Variants in ATP9B observed in about 807,000 individuals in gnomAD.
ATP9B encodes the protein ATPase phospholipid transporting 9B.
A neutral mutation model predicts 146.1 loss-of-function variants in ATP9B; 110 were observed. The ratio of observed to expected loss-of-function variants is 0.75; its 90% CI spans 0.65 to 0.88. The LOEUF is 0.88. ATP9B is among the 40% of genes least tolerant of loss of function. ATP9B has a pLI of 0.00. For synonymous variants in ATP9B, 604 were observed against 569.7 expected (o/e 1.06, Z -0.86); for missense variants, 1,499 against 1,496.4 (o/e 1.00, Z -0.03).
intron 13 of ATP9B, chr18:79,299,998 A>C (rs2096579344): frequency 6.6e-6 from 1 of 152,320 alleles, no homozygotes; most frequent in Admixed American, 6.5e-5. Context: ...ATTGGTAAGC[A>C]GTGGCGAGGC....
At chr18:79,088,087 T>C (rs1489763703) in intron 1 of ATP9B, among the ~76,000 whole-genome samples, 2 of 152,196 alleles carry the variant, frequency 1.3e-5, no homozygotes, top group African/African-American at 4.8e-5. Flanking sequence ...TTCAGTACAA[T>C]AGGAAAATTG....
chr18:79,356,495 G>A (rs1281160584), intron 25 of ATP9B, among the ~76,000 whole-genome samples: 1 of 152,204 alleles, frequency 6.6e-6, no homozygotes. Flanking sequence ...TGTAACTTCA[G>A]TGGTTAAGCA....
chr18:79,130,097 C>T (rs998358601), intron 5 of ATP9B, among the ~76,000 whole-genome samples: 10 of 152,128 alleles, frequency 6.6e-5, no homozygotes, highest in Admixed American at 6.6e-4. Context: ...CAAAATGTGG[C>T]CCACTCCCAG....
At chr18:79,295,180 T>C (rs780810895) in intron 13 of ATP9B, among the ~76,000 whole-genome samples, 2 of 152,166 alleles carry the variant, frequency 1.3e-5, no homozygotes, top group Non-Finnish European at 2.9e-5. Context: ...GTATTCCGCA[T>C]GTTGAAATGG....
chr18:79,276,224 A>G (rs960993299), intron 12 of ATP9B, among the ~76,000 whole-genome samples: 14 of 152,244 alleles, frequency 9.2e-5, no homozygotes, highest in African/African-American at 3.4e-4. Context: ...ATGTTCTGAC[A>G]TGGCCGCTCT....
At chr18:79,151,463 T>G (rs2094687854) in intron 6 of ATP9B, among the ~76,000 whole-genome samples, 1 of 152,208 alleles carries the variant, frequency 6.6e-6, no homozygotes, top group South Asian at 2.1e-4. Context: ...AGGTTACATC[T>G]AAGTTTTGCC....
chr18:79,202,342 A>C (rs1006687881), intron 9 of ATP9B, among the ~76,000 whole-genome samples: 2 of 152,198 alleles, frequency 1.3e-5, no homozygotes, highest in Middle Eastern at 3.2e-3. Flanking sequence ...TTGAAGTATT[A>C]GCAGTATTTA....
At chr18:79,318,255 A>T (rs2096693397) in intron 15 of ATP9B, among the ~76,000 whole-genome samples, 1 of 152,206 alleles carries the variant, frequency 6.6e-6, no homozygotes, top group Non-Finnish European at 1.5e-5. Flanking sequence ...TGAAAAGGGG[A>T]AAGGAAGAGT....
At chr18:79,253,150 C>T (rs897837740) in intron 11 of ATP9B, among the ~76,000 whole-genome samples, 3 of 152,192 alleles carry the variant, frequency 2.0e-5, no homozygotes, top group South Asian at 4.1e-4. Flanking sequence ...GAGTTCACTG[C>T]GGCTGTGTGC....
In ATP9B at chr18:79,333,180, G is replaced by A. The variant is rs146140487; in HGVS notation, c.2028+3076G>A. 2.4e-3 allele frequency among the ~76,000 whole-genome samples: 368 copies of A among 152,254 alleles called. 1 individual carries two copies. Among genetic ancestry groups the A allele is most frequent in the South Asian group, 6.4e-3 (31 of 4,828 alleles). On this transcript the variant is annotated intron_variant, in intron 17 of 29. Transcript: ENST00000426216. ...GGCCGTGATGTGTTTCCAAATGTGC[G>A]GCTGTGCCCGGGTGGTTTCTCAGCA...
intron 12 of ATP9B, among the ~76,000 whole-genome samples, chr18:79,266,164 G>A (rs1248413149): frequency 6.6e-6 from 1 of 151,862 alleles, no homozygotes; most frequent in Non-Finnish European, 1.5e-5. Context: ...TTTTTTTTAG[G>A]TCTTCTCTAA....
At chr18:79,175,116 GCTTGAAC>G (rs1724506418) in intron 7 of ATP9B, among the ~76,000 whole-genome samples, 1 of 151,078 alleles carries the variant, frequency 6.6e-6, no homozygotes, top group Non-Finnish European at 1.5e-5. Flanking sequence ...CAGGAGAATT[GCTTGAAC>G]CTGGGAGGTG....
At chr18:79,329,892 A>T (rs1654768979) in intron 16 of ATP9B, 120 bp from the exon 17 acceptor site, 1 of 869,918 alleles carries the variant, frequency 1.1e-6, no homozygotes, top group African/African-American at 1.6e-5. Flanking sequence ...GAGGAGCTTA[A>T]CACACAGGAA....
At chr18:79,121,992 C>A (rs1395861974) in intron 4 of ATP9B, among the ~76,000 whole-genome samples, 3 of 152,018 alleles carry the variant, frequency 2.0e-5, no homozygotes, top group Non-Finnish European at 4.4e-5. Flanking sequence ...CTTTTGCTGT[C>A]TTTAAGCCAT....
In ATP9B at chr18:79,347,822, A is replaced by G. The variant is rs774027337; in HGVS notation, c.2735A>G (p.His912Arg). 6.2e-7 allele frequency: 1 copy of G among 1,613,382 alleles called. No individual in the cohort carries two copies. The highest frequency in any genetic ancestry group is 8.5e-7 in the Non-Finnish European group (1 of 1,179,548). Residue 912 changes from histidine (H) to arginine (R), a missense_variant, in exon 24 of 30, where the codon CAC becomes CGC. Transcript: ENST00000426216. Reference sequence around the variant, plus strand: ...GACTTCTCCATCACGCAGTTCCGGCACATAGGCAGGCTGCTCATGGTGCAC... The same window carrying G: ...GACTTCTCCATCACGCAGTTCCGGCGCATAGGCAGGCTGCTCATGGTGCAC... The part of the protein sequence containing the change: ...AADFSITQFR[H>R]IGRLLMVHGR...
At chr18:79,226,956 G>A (rs2095741339) in intron 11 of ATP9B, among the ~76,000 whole-genome samples, 1 of 152,190 alleles carries the variant, frequency 6.6e-6, no homozygotes, top group South Asian at 2.1e-4. Flanking sequence ...CACCCACTGT[G>A]TGTTGGGCAC....
In ATP9B at chr18:79,096,536, A is replaced by C. The variant is rs1334322281; in HGVS notation, c.180A>C (p.Glu60Asp). 1 of 1,614,078 alleles carries C rather than the reference A, an allele frequency of 6.2e-7. No homozygotes were observed. The highest frequency in any genetic ancestry group is 1.3e-5 in the African/African-American group (1 of 75,042). ...LDEMPLMMSE[E>D]GFENEESDYH... ...AAATGCCACTAATGATGTCTGAAGA[A>C]GGCTTTGAGAATGAGGAAAGTGATT... Residue 60 changes from glutamate to aspartate, a missense_variant, in exon 2 of 30, where the codon GAA (glutamate) becomes GAC (aspartate). Coordinates refer to ENST00000426216, the MANE Select transcript of ATP9B (RefSeq NM_198531.5).
intron 2 of ATP9B, among the ~76,000 whole-genome samples, chr18:79,103,585 G>T (rs896144152): frequency 3.3e-5 from 5 of 152,118 alleles, no homozygotes; most frequent in African/African-American, 1.2e-4. Context: ...ATGAAATAGT[G>T]GTGGTGACTG....
intron 11 of ATP9B, among the ~76,000 whole-genome samples, chr18:79,248,386 C>G (rs1323218568): frequency 6.6e-6 from 1 of 152,118 alleles, no homozygotes; most frequent in Non-Finnish European, 1.5e-5. Context: ...TTTCTTGTCT[C>G]TTAAGATTCT....
Sources: gnomAD v4.1 joint callset for allele counts (sites outside exome capture counted in the v4.1 genomes callset) on GRCh38, gnomAD v4.1.1 for gene constraint, MANE v1.5 for transcripts, NCBI Gene and HGNC (gene_info 2026-07-23, HGNC 2026-07-21) for gene names.